ST3GAL3: variants seen among roughly 807,000 people sequenced by gnomAD.
ST3GAL3 encodes the protein CMP-N-acetylneuraminate-beta-1,4-galactoside alpha-2,3-sialyltransferase.
A neutral mutation model predicts 50.1 loss-of-function variants in ST3GAL3; 21 were observed. The ratio of observed to expected loss-of-function variants is 0.42; its 90% CI spans 0.30 to 0.60. The LOEUF is 0.60. ST3GAL3 is among the 20% of genes least tolerant of loss of function. ST3GAL3 has a pLI of 0.19. For synonymous variants in ST3GAL3, 183 were observed against 190.0 expected (o/e 0.96, Z 0.30); for missense variants, 353 against 489.4 (o/e 0.72, Z 2.63).
chr1:43,796,889 CAA>C (rs1362577108), intron 3 of ST3GAL3, among the ~76,000 whole-genome samples: 3 of 152,028 alleles, frequency 2.0e-5, no homozygotes, highest in African/African-American at 7.2e-5. Context: ...AAAATCTTTG[CAA>C]AAAAAGTAAA....
At chr1:43,721,094 A>G (rs894806278) in intron 1 of ST3GAL3, among the ~76,000 whole-genome samples, 1 of 151,780 alleles carries the variant, frequency 6.6e-6, no homozygotes, top group Non-Finnish European at 1.5e-5. Flanking sequence ...AAAAGTAAAA[A>G]ATCAGCCAGG....
intron 3 of ST3GAL3, among the ~76,000 whole-genome samples, chr1:43,804,949 G>T (rs576683402): frequency 2.0e-5 from 3 of 152,200 alleles, no homozygotes; most frequent in Non-Finnish European, 4.4e-5. Context: ...TGCTTATTTG[G>T]TCACTCTTTC....
intron 4 of ST3GAL3, among the ~76,000 whole-genome samples, chr1:43,817,583 C>CTTCT (rs1374270452): frequency 0.52 from 35,659 of 68,090 alleles, 8,731 homozygotes; most frequent in East Asian, 0.72. Flanking sequence ...TCTCCTTCTC[C>CTTCT]TCCTTCTCCT....
At chr1:43,925,986 A>G (rs2083847068) in intron 11 of ST3GAL3, among the ~76,000 whole-genome samples, 2 of 152,182 alleles carry the variant, frequency 1.3e-5, no homozygotes, top group African/African-American at 4.8e-5. Context: ...AACAGTGAGT[A>G]GACGGCACCT....
At chr1:43,761,721 T>A (rs1167607812) in intron 2 of ST3GAL3, among the ~76,000 whole-genome samples, 2 of 138,820 alleles carry the variant, frequency 1.4e-5, no homozygotes, top group East Asian at 4.4e-4. Context: ...GAGGCCAAGG[T>A]GGGCGGATCA....
rs1485187752 is a variant in ST3GAL3, at chr1:43,888,458, TAAAGA to T, written c.303-5916_303-5912del. ...TCTTTTGCAAAAATGAGGGGGGAAATAAAGAAAAGAAAACACCACAACCCAAGTAA... is the reference window on the plus strand; with the variant it reads ...TCTTTTGCAAAAATGAGGGGGGAAATAAAGAAAACACCACAACCCAAGTAA... On this transcript the variant is annotated intron_variant, in intron 5 of 11. Coordinates refer to ENST00000347631, the MANE Select transcript of ST3GAL3 (RefSeq NM_006279.5). 1.1e-4 allele frequency among the ~76,000 whole-genome samples: 16 copies of T among 149,320 alleles called. No individual in the cohort carries two copies. The East Asian group carries it at 2.0e-3, about 18-fold the overall frequency.
At chr1:43,920,965 G>T (rs779769698) in intron 11 of ST3GAL3, 37 bp downstream of exon 11, 1 of 1,568,576 alleles carries the variant, frequency 6.4e-7, no homozygotes. Context: ...CCTGGGTGGG[G>T]ATGAGGGGGA....
intron 2 of ST3GAL3, among the ~76,000 whole-genome samples, chr1:43,770,211 TGAGGAGAGGAGAGGGGAGGG>T (rs544506145): frequency 0.2 from 18,457 of 91,948 alleles, 2,873 homozygotes; most frequent in Middle Eastern, 0.29. Context: ...CAGAGAGAAG[TGAGGAGAGGAGAGGGGAGGG>T]GAGGAGAGGA....
At chr1:43,860,821 A>AT (rs2069727650) in intron 5 of ST3GAL3, among the ~76,000 whole-genome samples, 1 of 152,094 alleles carries the variant, frequency 6.6e-6, no homozygotes, top group South Asian at 2.1e-4. Flanking sequence ...GAGGTTGATC[A>AT]TTTTTTCCAG....
chr1:43,752,162 C>G (rs1016692905), intron 2 of ST3GAL3, among the ~76,000 whole-genome samples: 5 of 152,128 alleles, frequency 3.3e-5, no homozygotes, highest in African/African-American at 1.2e-4. Flanking sequence ...TCACAGTGTT[C>G]TAAAGCGCTT....
At chr1:43,761,744 A>G (rs1219617709) in intron 2 of ST3GAL3, among the ~76,000 whole-genome samples, 2 of 151,266 alleles carry the variant, frequency 1.3e-5, no homozygotes, top group Non-Finnish European at 2.9e-5. Context: ...AGGTCAGGAG[A>G]TCGAGACCAT....
In ST3GAL3 at chr1:43,899,733, C is replaced by T. The variant is rs755538049; in HGVS notation, c.744+6C>T. 7.4e-6 allele frequency: 12 copies of T among 1,613,540 alleles called. No individual in the cohort carries two copies. The highest frequency in any genetic ancestry group is 4.0e-5 in the African/African-American group (3 of 74,926). On this transcript the variant is annotated splice_donor_region_variant and intron_variant, in intron 9 of 11. Transcript: ENST00000347631. The surrounding 1 kb of genome is among the most constrained non-coding windows in gnomAD (Gnocchi z 5.4). The stretch of plus-strand genomic sequence containing the variant: ...TCGTCTACAAGGAGAGAGTGGTAAG[C>T]TCTCCTGGCACCAGCTTCTTCCCCT...
At chr1:43,848,294 CTTTTTTTTT>C (rs58438507) in intron 5 of ST3GAL3, among the ~76,000 whole-genome samples, 7 of 70,380 alleles carry the variant, frequency 9.9e-5, no homozygotes, top group African/African-American at 3.6e-4. Flanking sequence ...TTGTGGTTTT[CTTTTTTTTT>C]TTTTTTTTTT....
chr1:43,724,350 A>G (rs189942710), intron 1 of ST3GAL3, among the ~76,000 whole-genome samples: 20 of 150,808 alleles, frequency 1.3e-4, no homozygotes, highest in African/African-American at 3.9e-4. Flanking sequence ...AGCTGGGACT[A>G]CAGGCCCTCA....
chr1:43,810,427 G>A (rs2060426447), intron 3 of ST3GAL3, among the ~76,000 whole-genome samples: 1 of 152,150 alleles, frequency 6.6e-6, no homozygotes, highest in Non-Finnish European at 1.5e-5. Flanking sequence ...GAGTCAGAGG[G>A]CATTATGAGA....
At chr1:43,772,759 G>T (rs112588295) in intron 2 of ST3GAL3, 1 of 151,648 alleles carries the variant, frequency 6.6e-6, no homozygotes, top group Non-Finnish European at 1.5e-5. Flanking sequence ...TTTATTTTTC[G>T]TTTTTTGAGG....
At chr1:43,800,596 G>A (rs917200836) in intron 3 of ST3GAL3, among the ~76,000 whole-genome samples, 1 of 152,204 alleles carries the variant, frequency 6.6e-6, no homozygotes, top group Non-Finnish European at 1.5e-5. Context: ...TCAGCCCTGG[G>A]TTGGTTCCAC....
At chr1:43,827,390 T>C (rs1399238368) in intron 4 of ST3GAL3, among the ~76,000 whole-genome samples, 3 of 152,302 alleles carry the variant, frequency 2.0e-5, no homozygotes, top group Middle Eastern at 3.4e-3. Flanking sequence ...TGTGTAAATG[T>C]GTTTGTGCAT....
intron 5 of ST3GAL3, among the ~76,000 whole-genome samples, chr1:43,891,981 T>C (rs1285552127): frequency 6.6e-6 from 1 of 152,232 alleles, no homozygotes; most frequent in Admixed American, 6.5e-5. Context: ...TCTCGCTCTG[T>C]CGCCCAGGCT....
Sources: gnomAD v4.1 joint callset for allele counts (sites outside exome capture counted in the v4.1 genomes callset) on GRCh38, gnomAD v4.1.1 for gene constraint, Gnocchi (gnomAD v3.1) non-coding constraint, MANE v1.5 for transcripts, NCBI Gene and HGNC (gene_info 2026-07-23, HGNC 2026-07-21) for gene names.